DCDC2C: variants seen among roughly 807,000 people sequenced by gnomAD.
DCDC2C encodes doublecortin domain-containing protein 2C.
Under a neutral mutation model 45.0 loss-of-function variants are expected in DCDC2C, and 44 were observed. The ratio of observed to expected loss-of-function variants is 0.98; its 90% CI spans 0.77 to 1.26. The LOEUF (loss-of-function observed/expected upper bound fraction) is 1.26. Ranked by LOEUF, DCDC2C falls within the 50% of genes most tolerant of loss-of-function variation. The pLI is 0.00. For synonymous variants in DCDC2C, 187 were observed against 178.8 expected (o/e 1.05, Z -0.37); for missense variants, 447 against 468.9 (o/e 0.95, Z 0.43).
chr2:3,812,613 C>T (rs961879018), intron 10 of DCDC2C, among the ~76,000 whole-genome samples: 3 of 152,006 alleles, frequency 2.0e-5, no homozygotes, highest in African/African-American at 7.3e-5. Flanking sequence ...TATTTCTTGT[C>T]TTCTGCCACC....
intron 4 of DCDC2C, among the ~76,000 whole-genome samples, chr2:3,742,975 T>A (rs1228133040): frequency 1.3e-5 from 2 of 152,158 alleles, no homozygotes; most frequent in African/African-American, 2.4e-5. Flanking sequence ...AGGGAGGGGC[T>A]CCGGGCCTGG....
intron 2 of DCDC2C, among the ~76,000 whole-genome samples, chr2:3,717,658 T>A (rs1668383475): frequency 6.6e-6 from 1 of 152,120 alleles, no homozygotes; most frequent in African/African-American, 2.4e-5. Flanking sequence ...ATTAAGTCAC[T>A]CCTCTTGGCT....
rs188127717 is a variant in DCDC2C, at chr2:3,729,696, G to A, written c.416+2617G>A. Among the ~76,000 whole-genome samples, 256 of 152,316 alleles carry A rather than the reference G, an allele frequency of 1.7e-3. 1 individual carries two copies. Among genetic ancestry groups the A allele is most frequent in the Middle Eastern group, 3.4e-3 (1 of 294 alleles). On this transcript the variant is annotated intron_variant, in intron 3 of 10. Transcript: ENST00000399143. ...GGGAAGGATCTTAGGTGTGGGAAAC[G>A]TGTCTGCATGGCAAGAGCTGCATAT...
chr2:3,836,601 G>A (rs528714799), intron 10 of DCDC2C, among the ~76,000 whole-genome samples: 61 of 152,222 alleles, frequency 4.0e-4, no homozygotes, highest in African/African-American at 1.3e-3. Context: ...GGTGGCTCAC[G>A]CCTGTAATCC....
Position 3,831,370 on chromosome 2 carries a change from A to G in DCDC2C, c.1066-15784A>G, listed in dbSNP as rs57931650. Among the ~76,000 whole-genome samples, 2,969 of 152,258 alleles carry G rather than the reference A, an allele frequency of 0.019. 448 individuals are homozygous for G. In the East Asian group the frequency reaches 0.4, roughly 21 times the overall value. ...ACCTCGATGGCACAGCCTACTGCAC[A>G]CCTCGGCTATGTGGTGTAGCCTATT... On this transcript the variant is annotated intron_variant, in intron 10 of 10. Transcript: ENST00000399143.
chr2:3,725,630 A>T (rs991225873), intron 2 of DCDC2C, among the ~76,000 whole-genome samples: 4 of 129,472 alleles, frequency 3.1e-5, no homozygotes, highest in Admixed American at 2.3e-4. Context: ...CGCCAGAGTG[A>T]CGAGGATGGC....
At chr2:3,799,090 A>T (rs1671040913) in intron 10 of DCDC2C, among the ~76,000 whole-genome samples, 1 of 151,982 alleles carries the variant, frequency 6.6e-6, no homozygotes. Context: ...TTTTTTCTCT[A>T]AACTTCCCTT....
chr2:3,819,247 A>G lies in DCDC2C; in HGVS notation c.1066-27907A>G, dbSNP rs535996893. On this transcript the variant is annotated intron_variant, in intron 10 of 10. Coordinates refer to ENST00000399143, the MANE Select transcript of DCDC2C (RefSeq NM_001287444.2). ...TCCAGGGGTTCTGGGAGTGGCTGCC[A>G]GGCGAGTTGGACAGTCCAGTTTCCA... Among the ~76,000 whole-genome samples the G allele has an allele frequency of 2.2e-3, 340 of 152,338 alleles. 8 individuals are homozygous for G. The South Asian group carries it at 0.051, about 23-fold the overall frequency.
intron 3 of DCDC2C, among the ~76,000 whole-genome samples, chr2:3,733,005 A>G (rs9308792): frequency 0.52 from 79,524 of 152,060 alleles, 21,259 homozygotes; most frequent in African/African-American, 0.61. Context: ...GTGATCTTTC[A>G]TTAGAAATTA....
At chr2:3,726,424 C>T (rs1211996899) in intron 2 of DCDC2C, among the ~76,000 whole-genome samples, 1 of 152,104 alleles carries the variant, frequency 6.6e-6, no homozygotes, top group Non-Finnish European at 1.5e-5. Context: ...TAGTTCTTTT[C>T]CCCCTTTGTG....
rs916460565 is a variant in DCDC2C at position 3,704,022 on chromosome 2, C to A, written c.271C>A (p.Arg91Ser). The A allele has an allele frequency of 3.1e-6, 4 of 1,275,504 alleles. No homozygotes were observed. Among genetic ancestry groups the A allele is most frequent in the Non-Finnish European group, 4.0e-6 (4 of 1,010,042 alleles). The allele number at this position is 1,275,504 out of a possible 1,614,324, so 79.0% of individuals were successfully genotyped here. A position where few individuals can be genotyped will look rare whatever the true frequency, so the allele number is the denominator to read the frequency against. ...CAAGTACGTGGCGGCGGGCCGCGAGCGCTTCAAGGAGCTCGAGTAAGTGCG... is the reference window on the plus strand; with the variant it reads ...CAAGTACGTGGCGGCGGGCCGCGAGAGCTTCAAGGAGCTCGAGTAAGTGCG... ...GGKYVAAGRE[R>S]FKELDYIHIV... The change falls in exon 1 of 11, where the codon CGC becomes AGC. Residue 91 changes from arginine to serine, a missense_variant. Transcript: ENST00000399143.
At chr2:3,771,022 G>A (rs1033577417) in intron 8 of DCDC2C, among the ~76,000 whole-genome samples, 1 of 152,208 alleles carries the variant, frequency 6.6e-6, no homozygotes, top group Admixed American at 6.5e-5. Context: ...GAACTTTCTC[G>A]CTGTCAAGCG....
intron 2 of DCDC2C, among the ~76,000 whole-genome samples, chr2:3,711,317 T>C (rs757348891): frequency 3.3e-5 from 5 of 152,058 alleles, no homozygotes; most frequent in Admixed American, 6.5e-5. Context: ...ATATAAATCA[T>C]CCTGTCATAA....
chr2:3,746,593 A>T (rs965142880), intron 4 of DCDC2C, among the ~76,000 whole-genome samples: 1 of 152,162 alleles, frequency 6.6e-6, no homozygotes, highest in Non-Finnish European at 1.5e-5. Context: ...TCAATTTCCC[A>T]CTGTCCGTTG....
chr2:3,789,995 G>A (rs1334790376), intron 10 of DCDC2C, among the ~76,000 whole-genome samples: 2 of 152,214 alleles, frequency 1.3e-5, no homozygotes, highest in African/African-American at 4.8e-5. Flanking sequence ...AGAGAGTCAT[G>A]TCTATTTTGC....
chr2:3,745,559 A>G (rs547655744), intron 4 of DCDC2C, among the ~76,000 whole-genome samples: 1 of 152,378 alleles, frequency 6.6e-6, no homozygotes, highest in Non-Finnish European at 1.5e-5. Context: ...AGAATTAAAA[A>G]AAATCAATGT....
At chr2:3,719,750 C>G (rs916358668) in intron 2 of DCDC2C, among the ~76,000 whole-genome samples, 5 of 152,200 alleles carry the variant, frequency 3.3e-5, no homozygotes, top group African/African-American at 1.2e-4. Flanking sequence ...CACCCTTAAA[C>G]CTTATATAAG....
Position 3,743,930 on chromosome 2 carries a change from G to A in DCDC2C, c.545+1882G>A, listed in dbSNP as rs575730693. ...TAAAAATATAAAAAATTAGCCAGGC[G>A]TGGTGGCGGGAACCTGTAATCCCAG... On this transcript the variant is annotated intron_variant, in intron 4 of 10. Coordinates refer to ENST00000399143, the MANE Select transcript of DCDC2C (RefSeq NM_001287444.2). Among the ~76,000 whole-genome samples the A allele has an allele frequency of 1.1e-4, 16 of 152,268 alleles. No individual in the cohort carries two copies. In the East Asian group the frequency reaches 1.9e-3, roughly 18 times the overall value.
intron 10 of DCDC2C, among the ~76,000 whole-genome samples, chr2:3,806,227 G>A (rs1040799023): frequency 6.6e-6 from 1 of 152,198 alleles, no homozygotes; most frequent in African/African-American, 2.4e-5. Context: ...ATGCTTTCAA[G>A]GACGGCTGGC....
Sources: allele counts gnomAD v4.1 joint callset (sites outside exome capture counted in the v4.1 genomes callset), GRCh38; gene constraint gnomAD v4.1.1; transcripts MANE v1.5; gene names NCBI Gene and HGNC (gene_info 2026-07-23, HGNC 2026-07-21).